CDH4: variants seen among roughly 807,000 people sequenced by gnomAD.
CDH4 encodes cadherin-4.
In CDH4, 33 loss-of-function variants were observed where a neutral mutation model predicts 86.0. That is an observed-to-expected ratio of 0.38 (90% confidence interval 0.29 to 0.51). The LOEUF (loss-of-function observed/expected upper bound fraction) is 0.51. Ranked by LOEUF, CDH4 falls within the 20% of genes least tolerant of loss-of-function variation. CDH4 has a pLI of 0.86. For missense variants in CDH4, 1,114 were observed against 1,307.4 expected (o/e 0.85, Z 2.28); for synonymous variants, 555 against 549.4 (o/e 1.01, Z -0.14).
rs570101401 is a variant in CDH4, at chr20:61,650,505, C to T, written c.170-93058C>T. On this transcript the variant is annotated intron_variant, in intron 2 of 15. Coordinates refer to ENST00000614565, the MANE Select transcript of CDH4 (RefSeq NM_001794.5). ...AATGCTGGCTGATACTGTCATTAAC[C>T]GGTGTATCTTCATATTAGCCAGGAA... 1.6e-4 allele frequency among the ~76,000 whole-genome samples: 24 copies of T among 152,282 alleles called. No homozygotes were observed. The East Asian group carries it at 2.5e-3, about 16-fold the overall frequency.
At chr20:61,845,564 A>G (rs1352390261) in intron 5 of CDH4, among the ~76,000 whole-genome samples, 2 of 152,230 alleles carry the variant, frequency 1.3e-5, no homozygotes, top group East Asian at 1.9e-4. Context: ...CCAGCAGCGC[A>G]GAACAGGCTG....
intron 4 of CDH4, among the ~76,000 whole-genome samples, chr20:61,805,658 G>A (rs754756416): frequency 3.3e-5 from 5 of 152,182 alleles, no homozygotes; most frequent in East Asian, 1.9e-4. Flanking sequence ...CCAACCTACC[G>A]CATGGCAGAG....
intron 2 of CDH4, among the ~76,000 whole-genome samples, chr20:61,274,752 G>A: frequency 7.2e-6 from 1 of 138,298 alleles, no homozygotes; most frequent in East Asian, 2.3e-4. Flanking sequence ...ACTGTGTGCA[G>A]TTTGGGGCAG....
In CDH4 at chr20:61,737,210, G is replaced by A. The variant is rs79836210; in HGVS notation, c.170-6353G>A. The stretch of plus-strand genomic sequence containing the variant: ...AGAGGGTGGTCCCTGGAGGATGAAA[G>A]ATGGAGCAGCTTCTGTTCTCTGGTG... On this transcript the variant is annotated intron_variant, in intron 2 of 15. Coordinates refer to ENST00000614565, the MANE Select transcript of CDH4 (RefSeq NM_001794.5). Among the ~76,000 whole-genome samples, 401 of 152,296 alleles carry A rather than the reference G, an allele frequency of 2.6e-3. 4 individuals carry two copies. Among genetic ancestry groups the A allele is most frequent in the African/African-American group, 9.2e-3 (383 of 41,578 alleles).
rs2085819855 is a variant in CDH4 at position 61,516,291 on chromosome 20, C to A, written c.170-227272C>A. 6.6e-6 allele frequency among the ~76,000 whole-genome samples: 1 copy of A among 152,200 alleles called. No homozygotes were observed. On this transcript the variant is annotated intron_variant, in intron 2 of 15. Coordinates refer to ENST00000614565, the MANE Select transcript of CDH4 (RefSeq NM_001794.5). The surrounding 1 kb of genome is among the most constrained non-coding windows in gnomAD (Gnocchi z 4.0). ...ACAGGAGCAATCCATTCCTGTTCCT[C>A]TTCCTGCTCCTTCCTTACATCCCGT...
At chr20:61,378,666 G>A (rs2084884626) in intron 2 of CDH4, among the ~76,000 whole-genome samples, 1 of 152,186 alleles carries the variant, frequency 6.6e-6, no homozygotes, top group Non-Finnish European at 1.5e-5. Context: ...ACATCTGCCT[G>A]TAAATACCAT....
chr20:61,701,483 G>T (rs988771940), intron 2 of CDH4, among the ~76,000 whole-genome samples: 1 of 152,254 alleles, frequency 6.6e-6, no homozygotes, highest in Admixed American at 6.5e-5. Context: ...AGGTTTGGGT[G>T]CAGCTGGCAG....
intron 2 of CDH4, among the ~76,000 whole-genome samples, chr20:61,621,744 A>C (rs996744421): frequency 2.6e-5 from 4 of 152,252 alleles, no homozygotes; most frequent in East Asian, 1.9e-4. Context: ...ACTGAGACAT[A>C]AGATGGCTTT....
intron 2 of CDH4, among the ~76,000 whole-genome samples, chr20:61,547,373 C>A (rs901014211): frequency 6.6e-6 from 1 of 151,726 alleles, no homozygotes; most frequent in African/African-American, 2.4e-5. Flanking sequence ...CCACTGCGCC[C>A]GGCTAATTTT....
chr20:61,792,961 T>C (rs1979286256), intron 4 of CDH4, among the ~76,000 whole-genome samples: 1 of 151,100 alleles, frequency 6.6e-6, no homozygotes, highest in South Asian at 2.1e-4. Context: ...TGTGTTTTTT[T>C]TGTTTTTGTT....
Position 61,536,233 on chromosome 20 carries a change from C to G in CDH4, c.170-207330C>G, listed in dbSNP as rs187407621. 4.4e-3 allele frequency among the ~76,000 whole-genome samples: 672 copies of G among 152,300 alleles called. 6 individuals are homozygous for G. The highest frequency in any genetic ancestry group is 0.015 in the African/African-American group (643 of 41,556). ...GGGTGCAACAAACACATCTCAGATC[C>G]AAAGCCGTGGCTCCCCTCCTGCCCC... On this transcript the variant is annotated intron_variant, in intron 2 of 15. Transcript: ENST00000614565.
intron 2 of CDH4, among the ~76,000 whole-genome samples, chr20:61,712,872 G>A (rs760250048): frequency 1.3e-5 from 2 of 152,288 alleles, no homozygotes; most frequent in Non-Finnish European, 2.9e-5. Flanking sequence ...GCTCTGACTC[G>A]CCGAGGGTGG....
rs1033343015 is a variant in CDH4, at chr20:61,756,472, C to G, written c.396+12683C>G. On this transcript the variant is annotated intron_variant, in intron 3 of 15. Coordinates refer to ENST00000614565, the MANE Select transcript of CDH4 (RefSeq NM_001794.5). ...CTCTCTCCTGCACAGGCCTGTCCCCCACTACTCACATGGTCCATATCCCCT... is the reference window on the plus strand; with the variant it reads ...CTCTCTCCTGCACAGGCCTGTCCCCGACTACTCACATGGTCCATATCCCCT... Among the ~76,000 whole-genome samples the G allele has an allele frequency of 3.3e-5, 5 of 152,028 alleles. No individual in the cohort carries two copies. In the South Asian group the frequency reaches 6.2e-4, roughly 19 times the overall value.
At chr20:61,896,129 G>T (rs1353253534) in intron 8 of CDH4, among the ~76,000 whole-genome samples, 2 of 152,242 alleles carry the variant, frequency 1.3e-5, no homozygotes, top group African/African-American at 4.8e-5. Context: ...ATCTGTGGAG[G>T]TGCCCCTCGG....
At position 61,463,786 on chromosome 20, in the gene CDH4, C is replaced by T. The variant is rs77810996; in HGVS notation, c.169+208849C>T. Among the ~76,000 whole-genome samples, 1,273 of 152,156 alleles carry T rather than the reference C, an allele frequency of 8.4e-3. 10 individuals carry two copies. Among genetic ancestry groups the T allele is most frequent in the Non-Finnish European group, 0.012 (820 of 67,994 alleles). ...AACTCAACTCCACTGAAACAAAAGG[C>T]GGGAGGGATATTCAGCACTGGGTGA... On this transcript the variant is annotated intron_variant, in intron 2 of 15. Coordinates refer to ENST00000614565, the MANE Select transcript of CDH4 (RefSeq NM_001794.5).
At chr20:61,583,609 T>C (rs2145722541) in intron 2 of CDH4, among the ~76,000 whole-genome samples, 1 of 152,296 alleles carries the variant, frequency 6.6e-6, no homozygotes, top group East Asian at 1.9e-4. Context: ...CTAGAGGGAC[T>C]ACCCCACACA....
chr20:61,274,722 G>A (rs1381991761), intron 2 of CDH4, among the ~76,000 whole-genome samples: 5 of 128,154 alleles, frequency 3.9e-5, no homozygotes, highest in South Asian at 2.7e-4. Flanking sequence ...GGAGTACTGT[G>A]TGCTGTTGTT....
rs929369419 is a variant in CDH4, at chr20:61,544,006, G to A, written c.170-199557G>A. ...GGGTGTGGTGGTACAGCTTTCTCTC[G>A]TCACAGCTGAGGTCCCTGGAGGCTG... On this transcript the variant is annotated intron_variant, in intron 2 of 15. Transcript: ENST00000614565. The surrounding 1 kb of genome is among the most constrained non-coding windows in gnomAD (Gnocchi z 6.5). 1.4e-4 allele frequency among the ~76,000 whole-genome samples: 22 copies of A among 152,304 alleles called. No individual in the cohort carries two copies. The East Asian group carries it at 1.7e-3, about 12-fold the overall frequency.
At chr20:61,813,932 C>T (rs1980573738) in intron 4 of CDH4, among the ~76,000 whole-genome samples, 1 of 152,206 alleles carries the variant, frequency 6.6e-6, no homozygotes, top group Non-Finnish European at 1.5e-5. Flanking sequence ...CCACCTTGCT[C>T]ACCAGGGTCT....
Sources: gnomAD v4.1 joint callset for allele counts (sites outside exome capture counted in the v4.1 genomes callset) on GRCh38, gnomAD v4.1.1 for gene constraint, Gnocchi (gnomAD v3.1) non-coding constraint, MANE v1.5 for transcripts, NCBI Gene and HGNC (gene_info 2026-07-23, HGNC 2026-07-21) for gene names.